PPP2R2B: variants seen among roughly 807,000 people sequenced by gnomAD.
PPP2R2B encodes the protein serine/threonine-protein phosphatase 2A 55 kDa regulatory subunit B beta isoform.
A neutral mutation model predicts 46.0 loss-of-function variants in PPP2R2B; 5 were observed. That is an observed-to-expected ratio of 0.11 (90% CI 0.06 to 0.23). The LOEUF (loss-of-function observed/expected upper bound fraction) is 0.23, where lower values mean the gene tolerates loss of function less well. PPP2R2B is among the 10% of genes least tolerant of loss of function. The pLI, the probability that PPP2R2B is intolerant of heterozygous loss-of-function variation, is 1.00. For missense variants in PPP2R2B, 367 were observed against 575.0 expected (o/e 0.64, Z 3.70); for synonymous variants, 215 against 206.7 (o/e 1.04, Z -0.34).
chr5:147,072,815 A>G (rs73310648), intron 2 of PPP2R2B, among the ~76,000 whole-genome samples: 5,104 of 152,316 alleles, frequency 0.034, 114 homozygotes, highest in African/African-American at 0.057. Context: ...AGCAAATAGC[A>G]CAAGAGAATA....
intron 2 of PPP2R2B, among the ~76,000 whole-genome samples, chr5:146,837,347 C>T (rs1295809962): frequency 2.0e-5 from 3 of 152,126 alleles, no homozygotes; most frequent in African/African-American, 4.8e-5. Flanking sequence ...CAGAAGATTA[C>T]GTGTATTAAA....
In PPP2R2B at chr5:146,811,803, G is replaced by A. The variant is rs181649691; in HGVS notation, c.70+66199C>T. ...AGGATGGTCTCGATCTCCTGACCTC[G>A]TGATCTGCCCGCCTCGGCCACCCAA... On this transcript the variant is annotated intron_variant, in intron 2 of 9. Coordinates refer to ENST00000394411, the MANE Select transcript of PPP2R2B (RefSeq NM_181675.4). 2.8e-3 allele frequency among the ~76,000 whole-genome samples: 419 copies of A among 148,414 alleles called. 2 individuals are homozygous for A. Among genetic ancestry groups the A allele is most frequent in the African/African-American group, 9.7e-3 (387 of 40,064 alleles).
At chr5:146,970,438 TA>T (rs201190200) in intron 1 of PPP2R2B, among the ~76,000 whole-genome samples, 1 of 151,768 alleles carries the variant, frequency 6.6e-6, no homozygotes, top group East Asian at 1.9e-4. Context: ...CCATCTCTAC[TA>T]AAAAAAATTA....
chr5:147,031,418 T>C (rs940681919), intron 1 of PPP2R2B, among the ~76,000 whole-genome samples: 4 of 152,124 alleles, frequency 2.6e-5, no homozygotes, highest in African/African-American at 9.7e-5. Flanking sequence ...TGTGTTTCTC[T>C]CTATTTTTAA....
intron 1 of PPP2R2B, chr5:146,922,232 C>T (rs553687363): frequency 1.1e-4 from 17 of 152,254 alleles, no homozygotes; most frequent in African/African-American, 3.6e-4. Context: ...AAGATTAAAC[C>T]TTTGCAGTTT....
chr5:146,900,554 T>TTCCTCC (rs1762795761), intron 1 of PPP2R2B, among the ~76,000 whole-genome samples: 9 of 110,140 alleles, frequency 8.2e-5, no homozygotes, highest in African/African-American at 3.6e-4. Context: ...TTCCTTCCTT[T>TTCCTCC]CTTCCTTCCT....
At chr5:146,670,890 A>G (rs1408021818) in intron 5 of PPP2R2B, among the ~76,000 whole-genome samples, 1 of 152,222 alleles carries the variant, frequency 6.6e-6, no homozygotes, top group Non-Finnish European at 1.5e-5. Flanking sequence ...CCAGTTTTCT[A>G]TGAATTGTCA....
At chr5:146,946,485 C>G (rs1764487118) in intron 1 of PPP2R2B, among the ~76,000 whole-genome samples, 1 of 152,084 alleles carries the variant, frequency 6.6e-6, no homozygotes, top group South Asian at 2.1e-4. Context: ...TTCTGAGTCC[C>G]AAGTCTGTTG....
intron 2 of PPP2R2B, among the ~76,000 whole-genome samples, chr5:146,813,714 C>A (rs1392439304): frequency 6.6e-6 from 1 of 152,192 alleles, no homozygotes; most frequent in Non-Finnish European, 1.5e-5. Flanking sequence ...TATTAGAACA[C>A]CTGCTGTCTG....
At position 147,033,735 on chromosome 5, in the gene PPP2R2B, A is replaced by G. The variant is rs143656161; in HGVS notation, c.79+21930T>C. Among the ~76,000 whole-genome samples the G allele has an allele frequency of 2.0e-5, 3 of 152,170 alleles. No homozygotes were observed. The East Asian group carries it at 5.8e-4, about 29-fold the overall frequency. Reference sequence around the variant, plus strand: ...TTGACACCATACTTAAACTTATCCAATTTACTAGCAATCCTATCAACTCTG... The same window carrying G: ...TTGACACCATACTTAAACTTATCCAGTTTACTAGCAATCCTATCAACTCTG... On this transcript the variant is annotated intron_variant, in intron 1 of 8. Transcript: ENST00000336640.
At chr5:146,912,946 G>A (rs992093086) in intron 1 of PPP2R2B, among the ~76,000 whole-genome samples, 23 of 152,164 alleles carry the variant, frequency 1.5e-4, no homozygotes, top group African/African-American at 4.8e-4. Context: ...ATGCTGGTAA[G>A]TTCAAATCCT....
intron 1 of PPP2R2B, among the ~76,000 whole-genome samples, chr5:146,966,703 G>T (rs1028580398): frequency 6.6e-5 from 10 of 152,186 alleles, no homozygotes; most frequent in Non-Finnish European, 1.5e-4. Context: ...ACCTAACACT[G>T]GGCCTGGCAC....
intron 1 of PPP2R2B, among the ~76,000 whole-genome samples, chr5:146,992,575 A>G (rs772523290): frequency 1.3e-5 from 2 of 152,140 alleles, no homozygotes; most frequent in Non-Finnish European, 2.9e-5. Context: ...TATACCCCTA[A>G]TAGGGAGGAC....
At chr5:146,635,279 T>C (rs561192619) in intron 7 of PPP2R2B, among the ~76,000 whole-genome samples, 1 of 152,326 alleles carries the variant, frequency 6.6e-6, no homozygotes, top group Non-Finnish European at 1.5e-5. Flanking sequence ...AGTTTTTTTT[T>C]TTTTTAACTT....
rs1350776408 is a variant in PPP2R2B, at chr5:146,968,758, A to G, written c.79+86907T>C. Among the ~76,000 whole-genome samples the G allele has an allele frequency of 2.0e-5, 3 of 152,218 alleles. No homozygotes were observed. In the East Asian group the frequency reaches 5.8e-4, roughly 29 times the overall value. The stretch of plus-strand genomic sequence containing the variant: ...AGCATTTGCCAATCTTCATGTGCAA[A>G]TAAGACCATCGTGGCCAATTTCAAG... On this transcript the variant is annotated intron_variant, in intron 1 of 8. Coordinates refer to the PPP2R2B transcript ENST00000336640.
At chr5:146,609,257 GA>G (rs1772606510) in intron 7 of PPP2R2B, among the ~76,000 whole-genome samples, 1 of 152,126 alleles carries the variant, frequency 6.6e-6, no homozygotes, top group Non-Finnish European at 1.5e-5. Flanking sequence ...GCTGAATGGG[GA>G]AAAAACTGAA....
At chr5:146,981,751 C>A (rs552706460) in intron 1 of PPP2R2B, among the ~76,000 whole-genome samples, 3 of 152,230 alleles carry the variant, frequency 2.0e-5, no homozygotes, top group South Asian at 2.1e-4. Flanking sequence ...TCACTTAAAC[C>A]CCCTCCTTAA....
At chr5:146,924,885 C>A (rs182692413) in intron 1 of PPP2R2B, among the ~76,000 whole-genome samples, 1 of 152,068 alleles carries the variant, frequency 6.6e-6, no homozygotes, top group Non-Finnish European at 1.5e-5. Context: ...TTTTTTATGG[C>A]TGCATAGTAT....
intron 1 of PPP2R2B, among the ~76,000 whole-genome samples, chr5:146,933,576 A>G (rs553388956): frequency 6.6e-6 from 1 of 152,228 alleles, no homozygotes; most frequent in South Asian, 2.1e-4. Context: ...TGAAATTTCT[A>G]CTTCAGGGAG....
Sources: allele counts gnomAD v4.1 joint callset (sites outside exome capture counted in the v4.1 genomes callset), GRCh38; gene constraint gnomAD v4.1.1; transcripts MANE v1.5; gene names NCBI Gene and HGNC (gene_info 2026-07-23, HGNC 2026-07-21).